ASXL2: variants seen among roughly 807,000 people sequenced by gnomAD.
The protein encoded by ASXL2 is ASXL transcriptional regulator 2.
Under a neutral mutation model 122.0 loss-of-function variants are expected in ASXL2, and 23 were observed. The ratio of observed to expected loss-of-function variants is 0.19; its 90% CI spans 0.14 to 0.27. The LOEUF is 0.27. Ranked by LOEUF, ASXL2 falls within the 10% of genes least tolerant of loss-of-function variation. The pLI, the probability that ASXL2 is intolerant of heterozygous loss-of-function variation, is 1.00. For synonymous variants in ASXL2, 650 were observed against 637.0 expected (o/e 1.02, Z -0.31); for missense variants, 1,518 against 1,713.8 (o/e 0.89, Z 2.02).
At chr2:25,865,902 T>G (rs2089898973) in intron 1 of ASXL2, among the ~76,000 whole-genome samples, 1 of 151,790 alleles carries the variant, frequency 6.6e-6, no homozygotes, top group African/African-American at 2.4e-5. Flanking sequence ...GCATGAGACC[T>G]GAGATGTGCT....
chr2:25,775,080 G>C (rs2088523887), intron 5 of ASXL2, among the ~76,000 whole-genome samples: 2 of 151,886 alleles, frequency 1.3e-5, no homozygotes, highest in Admixed American at 1.3e-4. Flanking sequence ...TCCTTTTTTA[G>C]TTAGTCTTCT....
chr2:25,856,363 C>CCTTTTTTTT, intron 1 of ASXL2: 2 of 234,040 alleles, frequency 8.5e-6, no homozygotes, highest in Non-Finnish European at 1.7e-5. Flanking sequence ...CTGGCCTATA[C>CCTTTTTTTT]TTTTTTTTTT....
intron 1 of ASXL2, chr2:25,856,502 C>T (rs1394245461): frequency 3.7e-6 from 4 of 1,077,576 alleles, no homozygotes; most frequent in Non-Finnish European, 4.2e-6. Flanking sequence ...CCAGCAAAGA[C>T]AGCCTTGTCC....
At chr2:25,779,427 C>T (rs1054465299) in intron 5 of ASXL2, among the ~76,000 whole-genome samples, 1 of 151,882 alleles carries the variant, frequency 6.6e-6, no homozygotes, top group African/African-American at 2.4e-5. Context: ...CGTTTCTTCC[C>T]GCCTAACATT....
chr2:25,798,132 G>A (rs2088938271), intron 5 of ASXL2, among the ~76,000 whole-genome samples: 1 of 152,138 alleles, frequency 6.6e-6, no homozygotes, highest in Non-Finnish European at 1.5e-5. Flanking sequence ...GAGAATACAT[G>A]ACACACAGAG....
intron 12 of ASXL2, among the ~76,000 whole-genome samples, chr2:25,745,068 C>T (rs973991016): frequency 6.6e-6 from 1 of 152,044 alleles, no homozygotes; most frequent in African/African-American, 2.4e-5. Flanking sequence ...CCACCATGCC[C>T]ATACACATAA....
chr2:25,842,517 G>T (rs1220884871), intron 2 of ASXL2, among the ~76,000 whole-genome samples: 1 of 151,696 alleles, frequency 6.6e-6, no homozygotes, highest in Non-Finnish European at 1.5e-5. Flanking sequence ...AATGATCATG[G>T]TAAGTTTAAA....
At chr2:25,817,827 G>T (rs1159414555) in intron 3 of ASXL2, among the ~76,000 whole-genome samples, 9 of 152,170 alleles carry the variant, frequency 5.9e-5, no homozygotes, top group Non-Finnish European at 1.0e-4. Context: ...TACACTGACA[G>T]AGAGTGAGAA....
chr2:25,853,512 A>C (rs559159598), intron 1 of ASXL2, among the ~76,000 whole-genome samples: 1 of 152,110 alleles, frequency 6.6e-6, no homozygotes, highest in African/African-American at 2.4e-5. Context: ...GGTCTTCTTC[A>C]GGGTTCTTTT....
At chr2:25,816,892 A>C (rs1252139232) in intron 3 of ASXL2, among the ~76,000 whole-genome samples, 1 of 152,212 alleles carries the variant, frequency 6.6e-6, no homozygotes, top group Non-Finnish European at 1.5e-5. Context: ...TGGGAGGCCG[A>C]GGTTGGCGGA....
chr2:25,805,277 C>T (rs2089064623), intron 4 of ASXL2, among the ~76,000 whole-genome samples: 1 of 152,150 alleles, frequency 6.6e-6, no homozygotes, highest in Non-Finnish European at 1.5e-5. Flanking sequence ...TAATGTAAAG[C>T]ATCTAGGCAG....
chr2:25,860,444 G>A (rs761175945), intron 1 of ASXL2, among the ~76,000 whole-genome samples: 6 of 152,222 alleles, frequency 3.9e-5, no homozygotes, highest in African/African-American at 7.2e-5. Context: ...GGCTGGGTGC[G>A]GTGGCTCACG....
In ASXL2 at chr2:25,744,010, G is replaced by A; in HGVS notation, c.2327C>T (p.Thr776Ile). Residue 776 changes from threonine (T) to isoleucine (I), a missense_variant, in exon 13 of 13, where the codon ACC (threonine) becomes ATC (isoleucine). Thr to Ile is a moderately conservative substitution (Grantham distance 89). Around this residue, in one of 8 missense-constraint regions of ASXL2, gnomAD observed 831 missense variants for 833.1 expected, o/e 1.00. Transcript: ENST00000435504. The surrounding 1 kb of genome is among the most constrained non-coding windows in gnomAD (Gnocchi z 4.7). ...GGCAGGTGTTGGAGGCACTGGGGGGGTTTGCTGTAGTTGTGCTCCAGAGAC... is the reference window on the plus strand; with the variant it reads ...GGCAGGTGTTGGAGGCACTGGGGGGATTTGCTGTAGTTGTGCTCCAGAGAC... ...HSVSGAQLQQ[T>I]PPVPPTPAVS... The A allele has an allele frequency of 6.2e-7, 1 of 1,613,996 alleles. No individual in the cohort carries two copies. Among genetic ancestry groups the A allele is most frequent in the Non-Finnish European group, 8.5e-7 (1 of 1,179,880 alleles).
intron 2 of ASXL2, among the ~76,000 whole-genome samples, chr2:25,836,544 C>A (rs1413750305): frequency 6.6e-6 from 1 of 152,068 alleles, no homozygotes; most frequent in East Asian, 1.9e-4. Flanking sequence ...AAACATATAA[C>A]CTTAAATACT....
At chr2:25,823,481 G>A (rs2089336555) in intron 3 of ASXL2, among the ~76,000 whole-genome samples, 1 of 152,146 alleles carries the variant, frequency 6.6e-6, no homozygotes, top group Non-Finnish European at 1.5e-5. Flanking sequence ...CTATATAAGT[G>A]ATTACTTGTC....
At chr2:25,821,980 A>G (rs889553490) in intron 3 of ASXL2, among the ~76,000 whole-genome samples, 2 of 152,206 alleles carry the variant, frequency 1.3e-5, no homozygotes, top group African/African-American at 4.8e-5. Context: ...TTATGATGCA[A>G]TGAGTTGCAA....
chr2:25,770,579 AC>A (rs2088431800), intron 6 of ASXL2, among the ~76,000 whole-genome samples: 1 of 152,122 alleles, frequency 6.6e-6, no homozygotes, highest in African/African-American at 2.4e-5. Flanking sequence ...ACGTGGTGAA[AC>A]CCTGTCTCTA....
chr2:25,747,640 A>G (rs2087964109), intron 12 of ASXL2, among the ~76,000 whole-genome samples: 1 of 152,248 alleles, frequency 6.6e-6, no homozygotes, highest in African/African-American at 2.4e-5. Flanking sequence ...GTGAGAAAAT[A>G]GAAATGATGG....
At chr2:25,822,118 T>C (rs543918093) in intron 3 of ASXL2, among the ~76,000 whole-genome samples, 3 of 152,280 alleles carry the variant, frequency 2.0e-5, no homozygotes, top group East Asian at 3.9e-4. Flanking sequence ...CACAGAAATT[T>C]TGAAAGCCCA....
Sources: allele counts gnomAD v4.1 joint callset (sites outside exome capture counted in the v4.1 genomes callset), GRCh38; gene constraint gnomAD v4.1.1; regional missense constraint gnomAD v4.1.1; non-coding constraint Gnocchi (gnomAD v3.1); transcripts MANE v1.5; gene names NCBI Gene and HGNC (gene_info 2026-07-23, HGNC 2026-07-21).